GRIK2: variants seen among roughly 807,000 people sequenced by gnomAD.
GRIK2 encodes the protein glutamate receptor ionotropic, kainate 2.
A neutral mutation model predicts 100.3 loss-of-function variants in GRIK2; 32 were observed. The observed-to-expected ratio is 0.32, with a 90% CI of 0.24 to 0.43. GRIK2 has a LOEUF of 0.43. Among genes scored for constraint, GRIK2 ranks in the 20% least tolerant of loss-of-function variants. The probability of loss-of-function intolerance (pLI) is 1.00; values close to 1 mark genes in which losing one functional copy is unlikely to be tolerated. For missense variants in GRIK2, 843 were observed against 1,114.9 expected, an observed-to-expected ratio of 0.76 and a Z score of 3.47; for synonymous variants, 417 against 389.4, an observed-to-expected ratio of 1.07 and a Z score of -0.83.
At position 101,399,032 on chromosome 6, in the gene GRIK2, A is replaced by C; in HGVS notation, c.-246A>C. 2.2e-6 allele frequency: 1 copy of C among 445,264 alleles called. No individual in the cohort carries two copies. Among genetic ancestry groups the C allele is most frequent in the Non-Finnish European group, 4.0e-6 (1 of 252,236 alleles). The allele number at this position is 445,264 out of a possible 1,614,324, so 27.6% of individuals were successfully genotyped here. A position where few individuals can be genotyped will look rare whatever the true frequency, so the allele number is the denominator to read the frequency against. On this transcript the variant is annotated 5_prime_UTR_variant, in exon 2 of 17. An upstream start codon of the reference 5' UTR is lost. Transcript: ENST00000369134. Reference sequence around the variant, plus strand: ...GGTGTGCGTGCTGGATTTCTCCCGGATGCTCTCCGACTAACATGGATGTCC... The same window carrying C: ...GGTGTGCGTGCTGGATTTCTCCCGGCTGCTCTCCGACTAACATGGATGTCC...
intron 2 of GRIK2, among the ~76,000 whole-genome samples, chr6:101,525,698 C>T (rs1162911630): frequency 1.3e-5 from 2 of 152,174 alleles, no homozygotes; most frequent in African/African-American, 4.8e-5. Flanking sequence ...TTCCTTGTTT[C>T]ACAGCCCCCA....
intron 11 of GRIK2, among the ~76,000 whole-genome samples, chr6:101,864,022 A>G (rs1172316650): frequency 1.3e-5 from 2 of 151,500 alleles, no homozygotes; most frequent in East Asian, 3.9e-4. Flanking sequence ...CTGTAGTCCC[A>G]GCTACTCGGG....
intron 14 of GRIK2, among the ~76,000 whole-genome samples, chr6:102,001,572 T>A (rs1413436909): frequency 6.6e-6 from 1 of 152,084 alleles, no homozygotes; most frequent in Non-Finnish European, 1.5e-5. Flanking sequence ...TTCCATGGTT[T>A]ATATGTGCCA....
At chr6:101,952,354 G>C (rs1197624251) in intron 14 of GRIK2, among the ~76,000 whole-genome samples, 1 of 152,116 alleles carries the variant, frequency 6.6e-6, no homozygotes, top group Non-Finnish European at 1.5e-5. Flanking sequence ...TTGTTTTGGG[G>C]TTTTGGCTAT....
intron 14 of GRIK2, among the ~76,000 whole-genome samples, chr6:102,013,418 C>T (rs965035932): frequency 1.3e-5 from 2 of 151,996 alleles, no homozygotes; most frequent in Admixed American, 6.6e-5. Context: ...ACTTGGGTGT[C>T]GTTTATTTTT....
intron 11 of GRIK2, among the ~76,000 whole-genome samples, chr6:101,884,960 C>T (rs1786511321): frequency 6.6e-6 from 1 of 152,034 alleles, no homozygotes; most frequent in Non-Finnish European, 1.5e-5. Context: ...AAGATAGCTG[C>T]TGTGTAGGTG....
intron 2 of GRIK2, among the ~76,000 whole-genome samples, chr6:101,406,237 A>G (rs751325901): frequency 6.6e-6 from 1 of 151,978 alleles, no homozygotes; most frequent in Non-Finnish European, 1.5e-5. Flanking sequence ...TTTAATTTTT[A>G]ATTTTACTTT....
Position 101,689,969 on chromosome 6 carries a change from C to G in GRIK2, c.951+3616C>G, listed in dbSNP as rs568902379. Among the ~76,000 whole-genome samples, 5 of 152,242 alleles carry G rather than the reference C, an allele frequency of 3.3e-5. No individual in the cohort carries two copies. The South Asian group carries it at 1.0e-3, about 32-fold the overall frequency. ...CCCCAGTCCTCTGACCAGACATTGT[C>G]TGCCTTTATGTAGCACATTTACTAT... On this transcript the variant is annotated intron_variant, in intron 7 of 16. Coordinates refer to ENST00000369134, the MANE Select transcript of GRIK2 (RefSeq NM_021956.5).
intron 2 of GRIK2, among the ~76,000 whole-genome samples, chr6:101,463,118 T>C (rs915284528): frequency 6.6e-6 from 1 of 152,178 alleles, no homozygotes. Flanking sequence ...GAAATTTGAA[T>C]TAAGTGGAGC....
intron 12 of GRIK2, among the ~76,000 whole-genome samples, chr6:101,921,377 G>A (rs1789480628): frequency 6.6e-6 from 1 of 152,022 alleles, no homozygotes; most frequent in African/African-American, 2.4e-5. Flanking sequence ...GGAGTGAATA[G>A]GATTTAATAT....
intron 7 of GRIK2, among the ~76,000 whole-genome samples, chr6:101,747,859 C>A (rs1776518724): frequency 6.6e-6 from 1 of 151,052 alleles, no homozygotes; most frequent in Non-Finnish European, 1.5e-5. Flanking sequence ...CAGACTTTAT[C>A]TTTGGGTATT....
In GRIK2 at chr6:101,690,223, A is replaced by G. The variant is rs1771994277; in HGVS notation, c.951+3870A>G. On this transcript the variant is annotated intron_variant, in intron 7 of 16. Transcript: ENST00000369134. ...TCAGTAGCTTAATTTAATTATCAGT[A>G]TTTTTTTTCTTGTGCTGATAGATAA... is the stretch of plus-strand genomic sequence containing the variant. Among the ~76,000 whole-genome samples the G allele has an allele frequency of 1.3e-5, 2 of 151,850 alleles. 1 individual carries two copies. The highest frequency in any genetic ancestry group is 2.9e-5 in the Non-Finnish European group (2 of 67,982).
At chr6:101,896,091 C>A (rs1395663747) in intron 12 of GRIK2, among the ~76,000 whole-genome samples, 3 of 151,392 alleles carry the variant, frequency 2.0e-5, no homozygotes, top group African/African-American at 7.3e-5. Flanking sequence ...TACAATGTAC[C>A]TCTTTATTTT....
chr6:101,571,227 T>C (rs1480375128), intron 2 of GRIK2, among the ~76,000 whole-genome samples: 5 of 152,166 alleles, frequency 3.3e-5, no homozygotes, highest in African/African-American at 1.2e-4. Flanking sequence ...TAAAAACAGT[T>C]GGTTTACACG....
At chr6:101,713,620 C>T (rs1320751510) in intron 7 of GRIK2, among the ~76,000 whole-genome samples, 1 of 151,776 alleles carries the variant, frequency 6.6e-6, no homozygotes, top group Admixed American at 6.6e-5. Flanking sequence ...ATTTCCATTC[C>T]AGCTCAGTCT....
intron 7 of GRIK2, among the ~76,000 whole-genome samples, chr6:101,698,762 A>G (rs1359750709): frequency 6.6e-6 from 1 of 152,200 alleles, no homozygotes; most frequent in Non-Finnish European, 1.5e-5. Flanking sequence ...GTTTAATAAG[A>G]CAAGTGAAAC....
chr6:101,875,697 A>G (rs955511259), intron 11 of GRIK2, among the ~76,000 whole-genome samples: 18 of 151,674 alleles, frequency 1.2e-4, no homozygotes, highest in African/African-American at 4.8e-5. Context: ...GGAAGTTATA[A>G]GCTTTATTTC....
chr6:101,880,010 T>A (rs943811213), intron 11 of GRIK2, among the ~76,000 whole-genome samples: 13 of 152,000 alleles, frequency 8.6e-5, no homozygotes, highest in Non-Finnish European at 1.6e-4. Flanking sequence ...ATGGCTTATT[T>A]TAAATAACCG....
intron 2 of GRIK2, among the ~76,000 whole-genome samples, chr6:101,588,202 G>A (rs767178016): frequency 1.3e-5 from 2 of 152,002 alleles, no homozygotes; most frequent in African/African-American, 4.8e-5. Flanking sequence ...CTAATAGAGT[G>A]GAGGAATTAA....
Sources: allele counts gnomAD v4.1 joint callset (sites outside exome capture counted in the v4.1 genomes callset), GRCh38; gene constraint gnomAD v4.1.1; transcripts MANE v1.5; gene names NCBI Gene and HGNC (gene_info 2026-07-23, HGNC 2026-07-21).